The following EPHA5 variants were observed in gnomAD, a reference collection of about 807,000 sequenced individuals.
EPHA5 encodes ephrin type-A receptor 5.
A neutral mutation model predicts 105.0 loss-of-function variants in EPHA5; 60 were observed. That is an observed-to-expected ratio of 0.57 (90% confidence interval 0.46 to 0.71). The LOEUF is 0.71. Among genes scored for constraint, EPHA5 ranks in the 30% least tolerant of loss-of-function variants. The pLI, the probability that EPHA5 is intolerant of heterozygous loss-of-function variation, is 0.00. For missense variants in EPHA5, 1,218 were observed against 1,274.7 expected, an observed-to-expected ratio of 0.96 and a Z score of 0.68; for synonymous variants, 513 against 449.1, an observed-to-expected ratio of 1.14 and a Z score of -1.80.
chr4:65,484,523 C>T (rs1730689978), intron 5 of EPHA5, among the ~76,000 whole-genome samples: 1 of 152,138 alleles, frequency 6.6e-6, no homozygotes, highest in Non-Finnish European at 1.5e-5. Context: ...CATTTTGCTA[C>T]CCATAGCATG....
intron 3 of EPHA5, among the ~76,000 whole-genome samples, chr4:65,579,358 G>GTGTA (rs1553944309): frequency 2.8e-4 from 40 of 142,786 alleles, no homozygotes; most frequent in South Asian, 8.7e-4. Flanking sequence ...ATGTATGTGT[G>GTGTA]TATATATATA....
intron 14 of EPHA5, among the ~76,000 whole-genome samples, chr4:65,342,310 A>T (rs1374591267): frequency 6.6e-6 from 1 of 152,078 alleles, no homozygotes; most frequent in African/African-American, 2.4e-5. Flanking sequence ...GGGCGGCATT[A>T]TCCTTAAAAG....
chr4:65,616,328 G>T (rs1055797462), intron 2 of EPHA5, among the ~76,000 whole-genome samples: 1 of 151,722 alleles, frequency 6.6e-6, no homozygotes, highest in African/African-American at 2.4e-5. Context: ...GGTCATAAAA[G>T]GATGACATGA....
intron 16 of EPHA5, among the ~76,000 whole-genome samples, chr4:65,330,067 G>A (rs910162534): frequency 6.6e-6 from 1 of 151,362 alleles, no homozygotes; most frequent in East Asian, 1.9e-4. Flanking sequence ...GGTAAGAAAT[G>A]TATTAATGAT....
intron 16 of EPHA5, among the ~76,000 whole-genome samples, chr4:65,328,574 G>T (rs1322626452): frequency 1.3e-5 from 2 of 151,090 alleles, no homozygotes; most frequent in African/African-American, 4.8e-5. Flanking sequence ...GGAGAAGACA[G>T]ATTAATGAAT....
chr4:65,531,276 A>T (rs1328873299), intron 3 of EPHA5, among the ~76,000 whole-genome samples: 1 of 151,386 alleles, frequency 6.6e-6, no homozygotes, highest in Non-Finnish European at 1.5e-5. Context: ...TGACCTCATG[A>T]TCCACCCGCC....
At position 65,454,985 on chromosome 4, in the gene EPHA5, C is replaced by T. The variant is rs1179719846; in HGVS notation, c.1403-34420G>A. 3.3e-5 allele frequency among the ~76,000 whole-genome samples: 5 copies of T among 152,248 alleles called. No homozygotes were observed. The East Asian group carries it at 5.8e-4, about 18-fold the overall frequency. On this transcript the variant is annotated intron_variant, in intron 5 of 16. Transcript: ENST00000613740. Reference sequence around the variant, plus strand: ...TTTCTGCTTGGCACGGTGGCTCACGCCTGTAATCCCAGCACTTTGGGAGGC... The same window carrying T: ...TTTCTGCTTGGCACGGTGGCTCACGTCTGTAATCCCAGCACTTTGGGAGGC...
At chr4:65,439,548 C>T (rs1398433545) in intron 5 of EPHA5, among the ~76,000 whole-genome samples, 1 of 150,670 alleles carries the variant, frequency 6.6e-6, no homozygotes, top group African/African-American at 2.4e-5. Flanking sequence ...GTTGAAAATT[C>T]CTCCCTAAAC....
chr4:65,450,720 A>G (rs997266856), intron 5 of EPHA5, among the ~76,000 whole-genome samples: 1 of 152,162 alleles, frequency 6.6e-6, no homozygotes, highest in Non-Finnish European at 1.5e-5. Context: ...CATTTTTTTG[A>G]CAGAATGAAG....
At position 65,426,812 on chromosome 4, in the gene EPHA5, G is replaced by A. The variant is rs150783411; in HGVS notation, c.1403-6247C>T. On this transcript the variant is annotated intron_variant, in intron 5 of 16. Coordinates refer to ENST00000613740, the MANE Select transcript of EPHA5 (RefSeq NM_001281766.3). ...CCAGTTACTTACCTGTTTAATTTCAGTATAAATGTCTTCAAAGCAATATAT... is the reference window on the plus strand; with the variant it reads ...CCAGTTACTTACCTGTTTAATTTCAATATAAATGTCTTCAAAGCAATATAT... Among the ~76,000 whole-genome samples the A allele has an allele frequency of 3.7e-3, 565 of 151,988 alleles. 6 individuals carry two copies. The highest frequency in any genetic ancestry group is 0.013 in the African/African-American group (548 of 41,440).
At chr4:65,382,180 C>A (rs1384182811) in intron 8 of EPHA5, among the ~76,000 whole-genome samples, 4 of 151,762 alleles carry the variant, frequency 2.6e-5, no homozygotes, top group South Asian at 4.2e-4. Context: ...TAATCAGACA[C>A]TCTCCTTATT....
At chr4:65,638,073 T>C (rs960554836) in intron 2 of EPHA5, among the ~76,000 whole-genome samples, 1 of 152,148 alleles carries the variant, frequency 6.6e-6, no homozygotes, top group African/African-American at 2.4e-5. Context: ...TTTACCAGTA[T>C]AAGAAATAAA....
intron 5 of EPHA5, among the ~76,000 whole-genome samples, chr4:65,479,359 C>T (rs1730133367): frequency 6.6e-6 from 1 of 152,052 alleles, no homozygotes; most frequent in Non-Finnish European, 1.5e-5. Flanking sequence ...AGATTTAACC[C>T]ATACACTAAT....
At chr4:65,525,719 C>T (rs137963183) in intron 3 of EPHA5, among the ~76,000 whole-genome samples, 2 of 151,936 alleles carry the variant, frequency 1.3e-5, no homozygotes, top group South Asian at 2.1e-4. Flanking sequence ...CAAAGAAAAG[C>T]CCCCTGGCAT....
Position 65,319,610 on chromosome 4 carries a change from A to G in EPHA5, c.*4504T>C, listed in dbSNP as rs1001851480. 1 of 212,886 alleles carries G rather than the reference A, an allele frequency of 4.7e-6. No homozygotes were observed. Among genetic ancestry groups the G allele is most frequent in the African/African-American group, 2.3e-5 (1 of 44,294 alleles). The allele number at this position is 212,886 out of a possible 1,614,324, so 13.2% of individuals were successfully genotyped here. A position where few individuals can be genotyped will look rare whatever the true frequency, so the allele number is the denominator to read the frequency against. On this transcript the variant is annotated 3_prime_UTR_variant, in exon 17 of 17. Transcript: ENST00000613740. ...ATTTTCTGAAAAAATATAAAATTTC[A>G]TATCTTACACTACAAAAAGCATGTA...
chr4:65,500,827 A>G (rs932227505), intron 3 of EPHA5, among the ~76,000 whole-genome samples: 19 of 149,196 alleles, frequency 1.3e-4, no homozygotes, highest in African/African-American at 4.4e-4. Flanking sequence ...GTGTGCGTAT[A>G]TATATATATA....
At chr4:65,586,550 ATC>A (rs535803055) in intron 3 of EPHA5, among the ~76,000 whole-genome samples, 7 of 151,862 alleles carry the variant, frequency 4.6e-5, no homozygotes, top group Non-Finnish European at 8.8e-5. Context: ...TTTACTATAC[ATC>A]TCTTCCCCTG....
At chr4:65,439,014 A>G (rs1206415952) in intron 5 of EPHA5, among the ~76,000 whole-genome samples, 1 of 152,100 alleles carries the variant, frequency 6.6e-6, no homozygotes, top group Non-Finnish European at 1.5e-5. Context: ...CCTTACATAC[A>G]CCAATTCACA....
chr4:65,622,267 G>C (rs1443089211), intron 2 of EPHA5, among the ~76,000 whole-genome samples: 1 of 152,002 alleles, frequency 6.6e-6, no homozygotes, highest in Non-Finnish European at 1.5e-5. Context: ...CTTCCAACTA[G>C]TGTCTGGATA....
Sources: allele counts gnomAD v4.1 joint callset (sites outside exome capture counted in the v4.1 genomes callset), GRCh38; gene constraint gnomAD v4.1.1; transcripts MANE v1.5; gene names NCBI Gene and HGNC (gene_info 2026-07-23, HGNC 2026-07-21).